Variants in MYMX observed in about 807,000 individuals in gnomAD.
MYMX encodes the protein myomixer, myoblast fusion factor.
At chr6:44,205,165 C>G in the MYMX span, among the ~76,000 whole-genome samples, 6 of 151,962 alleles carry the variant, frequency 3.9e-5, no homozygotes, top group African/African-American at 1.5e-4. Flanking sequence ...AAGCTGCTAA[C>G]AGCCCCAGGT....
chr6:44,198,281 G>C, the MYMX span, among the ~76,000 whole-genome samples: 2 of 144,594 alleles, frequency 1.4e-5, no homozygotes, highest in Non-Finnish European at 3.0e-5. Context: ...TCCTGCCTCA[G>C]CCTCCCGAGT....
chr6:44,214,241 G>A (rs774743637), upstream of MYMX, among the ~76,000 whole-genome samples: 10 of 152,230 alleles, frequency 6.6e-5, no homozygotes, highest in Non-Finnish European at 1.5e-4. Flanking sequence ...ATGTTCCGAT[G>A]AGGGAAATCA....
chr6:44,212,586 T>A (rs1033234506), upstream of MYMX, among the ~76,000 whole-genome samples: 1 of 151,732 alleles, frequency 6.6e-6, no homozygotes, highest in Admixed American at 6.6e-5. Flanking sequence ...CAATTATTTA[T>A]CAATTAAAAT....
At chr6:44,202,583 G>A in the MYMX span, among the ~76,000 whole-genome samples, 2,664 of 152,162 alleles carry the variant, frequency 0.018, 38 homozygotes, top group Non-Finnish European at 0.027. Flanking sequence ...GCTCCCTGGC[G>A]GCTTTGTTCC....
the MYMX span, among the ~76,000 whole-genome samples, chr6:44,195,218 C>T: frequency 6.6e-6 from 1 of 152,074 alleles, no homozygotes; most frequent in Admixed American, 6.6e-5. Context: ...GGGGTTTTGC[C>T]ATGTTGGCTA....
the MYMX span, among the ~76,000 whole-genome samples, chr6:44,197,706 A>G: frequency 1.3e-5 from 2 of 152,072 alleles, no homozygotes; most frequent in East Asian, 3.8e-4. Flanking sequence ...GGAGATTGCC[A>G]CCTCTGATCC....
At chr6:44,197,662 T>C in the MYMX span, among the ~76,000 whole-genome samples, 1 of 152,262 alleles carries the variant, frequency 6.6e-6, no homozygotes. Flanking sequence ...GATAACTAGC[T>C]TTTCACATTT....
chr6:44,217,969 G>A lies in MYMX; in HGVS notation c.*243G>A. The A allele has an allele frequency of 2.8e-6, 1 of 359,542 alleles. No individual in the cohort carries two copies. 22.3% of individuals were successfully genotyped at this position (359,542 alleles called of 1,614,324 possible). ...CTGTCCTCCAGCAGTTCCTCCCAAA[G>A]ACCACTCCTAATCACCTCTGGCCTC... On this transcript the variant is annotated 3_prime_UTR_variant, in exon 2 of 2. Transcript: ENST00000573382.
the MYMX span, among the ~76,000 whole-genome samples, chr6:44,202,948 G>C: frequency 6.6e-6 from 1 of 152,204 alleles, no homozygotes; most frequent in African/African-American, 2.4e-5. Flanking sequence ...GGTGGGGTAG[G>C]AGTATCTGGG....
the MYMX span, among the ~76,000 whole-genome samples, chr6:44,203,420 A>C: frequency 1.3e-5 from 2 of 152,204 alleles, no homozygotes; most frequent in Non-Finnish European, 2.9e-5. Context: ...AAAGTTACAG[A>C]AGGCTCTGTG....
chr6:44,217,194 T>C (rs2128332101), intron 1 of MYMX, among the ~76,000 whole-genome samples: 1 of 152,192 alleles, frequency 6.6e-6, no homozygotes, highest in East Asian at 1.9e-4. Context: ...TGCCTGGAGC[T>C]GGGAACGGCA....
the MYMX span, among the ~76,000 whole-genome samples, chr6:44,205,719 G>A: frequency 6.6e-6 from 1 of 152,168 alleles, no homozygotes; most frequent in Admixed American, 6.5e-5. Context: ...TGAGGCAGGA[G>A]AATTGCTTAA....
the MYMX span, among the ~76,000 whole-genome samples, chr6:44,209,371 C>T: frequency 6.6e-6 from 1 of 152,186 alleles, no homozygotes; most frequent in Non-Finnish European, 1.5e-5. Context: ...ATTCACCAGC[C>T]TCAGCCTCCC....
chr6:44,197,083 C>T, the MYMX span, among the ~76,000 whole-genome samples: 1 of 152,054 alleles, frequency 6.6e-6, no homozygotes, highest in Non-Finnish European at 1.5e-5. Flanking sequence ...GGCAAAATGC[C>T]ATCTCTACTA....
chr6:44,214,934 A>G (rs1022851357), upstream of MYMX, among the ~76,000 whole-genome samples: 1 of 152,200 alleles, frequency 6.6e-6, no homozygotes, highest in Non-Finnish European at 1.5e-5. Flanking sequence ...TACCCAATGC[A>G]CCTGTCACCC....
the MYMX span, among the ~76,000 whole-genome samples, chr6:44,204,326 C>T: frequency 0.19 from 29,477 of 152,008 alleles, 3,283 homozygotes; most frequent in Middle Eastern, 0.35. Context: ...AATATTTGAG[C>T]AAAGATTTGA....
the MYMX span, among the ~76,000 whole-genome samples, chr6:44,207,155 G>A: frequency 6.6e-6 from 1 of 152,128 alleles, no homozygotes; most frequent in Non-Finnish European, 1.5e-5. Context: ...CCTGTGACAG[G>A]GAAGGTCTTT....
chr6:44,210,496 G>C, the MYMX span, among the ~76,000 whole-genome samples: 1 of 152,004 alleles, frequency 6.6e-6, no homozygotes, highest in South Asian at 2.1e-4. Context: ...TGTTGCCCAG[G>C]GTGGTCTCCA....
chr6:44,203,669 T>G, the MYMX span, among the ~76,000 whole-genome samples: 1 of 152,116 alleles, frequency 6.6e-6, no homozygotes, highest in Non-Finnish European at 1.5e-5. Context: ...AAGGCAGTTT[T>G]TGTGTGACTC....
Sources: gnomAD v4.1 joint callset for allele counts (sites outside exome capture counted in the v4.1 genomes callset) on GRCh38, gnomAD v4.1.1 for gene constraint, MANE v1.5 for transcripts, NCBI Gene and HGNC (gene_info 2026-07-23, HGNC 2026-07-21) for gene names.